PRR16: variants seen among roughly 807,000 people sequenced by gnomAD.
The protein encoded by PRR16 is protein Largen.
Under a neutral mutation model 18.2 loss-of-function variants are expected in PRR16, and 6 were observed. The ratio of observed to expected loss-of-function variants is 0.33; its 90% confidence interval spans 0.18 to 0.65. The LOEUF (loss-of-function observed/expected upper bound fraction) is 0.65, where lower values mean the gene tolerates loss of function less well. PRR16 is among the 30% of genes least tolerant of loss of function. PRR16 has a pLI of 0.74. For missense variants in PRR16, 412 were observed against 376.6 expected, an observed-to-expected ratio of 1.09 and a Z score of -0.78; for synonymous variants, 151 against 147.8, an observed-to-expected ratio of 1.02 and a Z score of -0.16.
At chr5:120,752,602 A>T in the PRR16 span, among the ~76,000 whole-genome samples, 1 of 152,064 alleles carries the variant, frequency 6.6e-6, no homozygotes, top group Admixed American at 6.6e-5. Flanking sequence ...TGATACCATT[A>T]TGTGAGACCA....
intron 1 of PRR16, among the ~76,000 whole-genome samples, chr5:120,501,640 T>C (rs376004037): frequency 6.6e-6 from 1 of 152,004 alleles, no homozygotes; most frequent in African/African-American, 2.4e-5. Flanking sequence ...ACTATCCAAA[T>C]TGAAAAATGA....
intron 1 of PRR16, among the ~76,000 whole-genome samples, chr5:120,658,615 A>G (rs1049024162): frequency 6.6e-5 from 10 of 151,942 alleles, no homozygotes; most frequent in African/African-American, 2.4e-4. Context: ...AAGCTTTGAA[A>G]TTTGATGAAA....
the PRR16 span, among the ~76,000 whole-genome samples, chr5:120,708,842 T>C: frequency 6.6e-6 from 1 of 152,098 alleles, no homozygotes; most frequent in East Asian, 1.9e-4. Flanking sequence ...CACTTGGTTA[T>C]ACTGGAATCC....
chr5:120,677,107 T>A (rs1013601015), intron 1 of PRR16, among the ~76,000 whole-genome samples: 3 of 152,232 alleles, frequency 2.0e-5, no homozygotes, highest in Non-Finnish European at 4.4e-5. Flanking sequence ...TCAGAAATAC[T>A]GTGATCTAGC....
chr5:120,780,911 G>A, the PRR16 span, among the ~76,000 whole-genome samples: 7 of 152,078 alleles, frequency 4.6e-5, no homozygotes, highest in African/African-American at 9.7e-5. Context: ...TTAGTTGGGC[G>A]TGGTGGCAGG....
downstream of PRR16, among the ~76,000 whole-genome samples, chr5:120,691,154 T>G (rs1023193495): frequency 3.3e-5 from 5 of 152,186 alleles, no homozygotes; most frequent in African/African-American, 1.2e-4. Context: ...AATTTGCCCC[T>G]TGGTAAGTGT....
intron 1 of PRR16, among the ~76,000 whole-genome samples, chr5:120,476,190 GATCACCCACT>G (rs1431565202): frequency 6.6e-6 from 1 of 152,112 alleles, no homozygotes; most frequent in African/African-American, 2.4e-5. Flanking sequence ...CTGCTTAAAA[GATCACCCACT>G]ATCTCCTGTT....
intron 1 of PRR16, among the ~76,000 whole-genome samples, chr5:120,683,575 T>C (rs891775235): frequency 2.2e-4 from 34 of 152,174 alleles, no homozygotes; most frequent in African/African-American, 7.7e-4. Context: ...AATTGTTCCC[T>C]GTTATTTTTA....
the PRR16 span, among the ~76,000 whole-genome samples, chr5:120,707,610 T>G: frequency 6.6e-6 from 1 of 152,202 alleles, no homozygotes; most frequent in African/African-American, 2.4e-5. Flanking sequence ...TAATAACGGC[T>G]TCTTACAGAC....
chr5:120,688,338 A>G (rs1757171453), downstream of PRR16, among the ~76,000 whole-genome samples: 1 of 152,234 alleles, frequency 6.6e-6, no homozygotes, highest in Non-Finnish European at 1.5e-5. Flanking sequence ...GGTGTTGGAC[A>G]TGAAGATAAT....
the PRR16 span, among the ~76,000 whole-genome samples, chr5:120,694,552 C>T: frequency 1.3e-5 from 2 of 151,754 alleles, no homozygotes; most frequent in Non-Finnish European, 2.9e-5. Flanking sequence ...GGCGAGGTGG[C>T]GGGCGCCTGT....
At chr5:120,668,423 G>T (rs1334047085) in intron 1 of PRR16, among the ~76,000 whole-genome samples, 1 of 149,734 alleles carries the variant, frequency 6.7e-6, no homozygotes, top group Non-Finnish European at 1.5e-5. Flanking sequence ...GCCATTCTGT[G>T]TCTTTTAATT....
intron 1 of PRR16, among the ~76,000 whole-genome samples, chr5:120,638,302 C>T (rs1054788668): frequency 1.3e-5 from 2 of 152,082 alleles, no homozygotes; most frequent in Admixed American, 6.6e-5. Context: ...GAAATGGCAT[C>T]ACAGGTTATT....
At chr5:120,679,744 C>G (rs1300575226) in intron 1 of PRR16, among the ~76,000 whole-genome samples, 1 of 151,988 alleles carries the variant, frequency 6.6e-6, no homozygotes, top group Non-Finnish European at 1.5e-5. Context: ...TGAAATAAGC[C>G]AGATACAGAA....
chr5:120,640,040 A>G (rs1256824785), intron 1 of PRR16, among the ~76,000 whole-genome samples: 1 of 152,106 alleles, frequency 6.6e-6, no homozygotes, highest in East Asian at 1.9e-4. Context: ...TAACACAGGA[A>G]AAGAAAACCA....
intron 1 of PRR16, among the ~76,000 whole-genome samples, chr5:120,563,772 G>A (rs1050591043): frequency 6.6e-6 from 1 of 151,682 alleles, no homozygotes; most frequent in African/African-American, 2.4e-5. Context: ...CTGTCTATCT[G>A]GTGTAAGACA....
rs185036270 is a variant in PRR16, at chr5:120,516,340, A to G, written c.159+51695A>G. 3.3e-5 allele frequency among the ~76,000 whole-genome samples: 5 copies of G among 150,216 alleles called. No individual in the cohort carries two copies. In the East Asian group the frequency reaches 9.8e-4, roughly 30 times the overall value. On this transcript the variant is annotated intron_variant, in intron 1 of 1. Coordinates refer to ENST00000407149, the MANE Select transcript of PRR16 (RefSeq NM_001300783.2). ...CTCGGGAGGCTGCGGCACAAGAATC[A>G]CTTGAACCCAGGAGGCAGAGGTTGC...
At chr5:120,650,158 A>C (rs946974471) in intron 1 of PRR16, among the ~76,000 whole-genome samples, 4 of 151,574 alleles carry the variant, frequency 2.6e-5, no homozygotes, top group Non-Finnish European at 2.9e-5. Flanking sequence ...TGGAGGTTGC[A>C]GTGAGCCAAG....
At chr5:120,551,975 C>A (rs1438535142) in intron 1 of PRR16, among the ~76,000 whole-genome samples, 3 of 151,864 alleles carry the variant, frequency 2.0e-5, no homozygotes, top group Non-Finnish European at 4.4e-5. Context: ...TCATTTAGGA[C>A]CAGAAAATAA....
Sources: gnomAD v4.1 joint callset for allele counts (sites outside exome capture counted in the v4.1 genomes callset) on GRCh38, gnomAD v4.1.1 for gene constraint, MANE v1.5 for transcripts, NCBI Gene and HGNC (gene_info 2026-07-23, HGNC 2026-07-21) for gene names.